Variants in MCMBP observed in about 807,000 individuals in gnomAD.
MCMBP encodes the protein minichromosome maintenance complex binding protein.
Under a neutral mutation model 81.3 loss-of-function variants are expected in MCMBP, and 31 were observed. The observed-to-expected ratio is 0.38, with a 90% CI of 0.29 to 0.51. The LOEUF (loss-of-function observed/expected upper bound fraction) is 0.51, where lower values mean the gene tolerates loss of function less well. Among genes scored for constraint, MCMBP ranks in the 20% least tolerant of loss-of-function variants. The pLI is 0.87. For synonymous variants in MCMBP, 267 were observed against 275.9 expected, an observed-to-expected ratio of 0.97 and a Z score of 0.32; for missense variants, 645 against 772.1, an observed-to-expected ratio of 0.84 and a Z score of 1.95.
intron 15 of MCMBP, 100 bp from the exon 16 acceptor site, chr10:119,831,700 G>T: frequency 7.4e-7 from 1 of 1,358,938 alleles, no homozygotes; most frequent in Non-Finnish European, 1.0e-6. Context: ...CACAGAGCAC[G>T]TTAGGAGACA....
At position 119,847,641 on chromosome 10, in the gene MCMBP, C is replaced by G; in HGVS notation, c.799G>C (p.Val267Leu). 6.2e-7 allele frequency: 1 copy of G among 1,610,476 alleles called. No homozygotes were observed. Reference protein sequence around the residue: ...ELYGILSVDPVLSILNNDERD... With the variant: ...ELYGILSVDPLLSILNNDERD... ...TCATCATTATTCAGTATACTCAGCA[C>G]AGGATCCACAGACAGTATGCCATAT... Residue 267 changes from valine to leucine, a missense_variant, in exon 8 of 16, where the codon GTG becomes CTG. Coordinates refer to ENST00000369077, the MANE Select transcript of MCMBP (RefSeq NM_001256378.2).
At chr10:119,855,503 C>T (rs1418469015) in intron 5 of MCMBP, among the ~76,000 whole-genome samples, 1 of 152,100 alleles carries the variant, frequency 6.6e-6, no homozygotes, top group Non-Finnish European at 1.5e-5. Context: ...AACCCCGTCT[C>T]TATCAAAAAT....
intron 6 of MCMBP, among the ~76,000 whole-genome samples, chr10:119,850,847 GTAGAGGCTAAAAGGTA>G (rs941483161): frequency 1.3e-5 from 2 of 148,570 alleles, no homozygotes; most frequent in African/African-American, 4.9e-5. Context: ...ACTGGGGGAA[GTAGAGGCTAAAAGGTA>G]TACAAGATCT....
intron 1 of MCMBP, among the ~76,000 whole-genome samples, chr10:119,871,309 C>T (rs1353468527): frequency 1.3e-5 from 2 of 151,740 alleles, no homozygotes. Context: ...ATATATGCCC[C>T]TTCCTCAAAG....
intron 13 of MCMBP, 132 bp from the exon 14 acceptor site, chr10:119,835,836 A>C (rs1852221101): frequency 2.0e-6 from 2 of 1,005,894 alleles, no homozygotes; most frequent in East Asian, 2.6e-5. Context: ...GGGAGGGAAT[A>C]ATGTTTTTTT....
intron 6 of MCMBP, among the ~76,000 whole-genome samples, chr10:119,849,813 A>G (rs1381461546): frequency 6.6e-6 from 1 of 152,192 alleles, no homozygotes; most frequent in Non-Finnish European, 1.5e-5. Context: ...TTACTGTAAG[A>G]TATCAACAAA....
intron 8 of MCMBP, among the ~76,000 whole-genome samples, chr10:119,844,199 C>T (rs533539431): frequency 1.3e-5 from 2 of 152,306 alleles, no homozygotes; most frequent in Non-Finnish European, 2.9e-5. Flanking sequence ...TTAATTCTTA[C>T]ATGATCCCTC....
chr10:119,836,230 C>G (rs1225905414), intron 13 of MCMBP, among the ~76,000 whole-genome samples: 2 of 152,208 alleles, frequency 1.3e-5, no homozygotes, highest in African/African-American at 2.4e-5. Context: ...TCAATGGTAT[C>G]AGTAAGCACA....
intron 1 of MCMBP, among the ~76,000 whole-genome samples, chr10:119,861,542 A>G (rs768906194): frequency 1.3e-5 from 2 of 152,120 alleles, no homozygotes; most frequent in East Asian, 1.9e-4. Context: ...TGGGTAAAAG[A>G]TAAGTGGGTA....
chr10:119,838,387 A>C, intron 12 of MCMBP, 148 bp downstream of exon 12: 1 of 684,528 alleles, frequency 1.5e-6, no homozygotes, highest in Non-Finnish European at 2.3e-6. Context: ...AGTTTATAAC[A>C]TATGCTTTAA....
chr10:119,846,512 C>T (rs1314409695), intron 8 of MCMBP, among the ~76,000 whole-genome samples: 1 of 152,178 alleles, frequency 6.6e-6, no homozygotes, highest in African/African-American at 2.4e-5. Context: ...CCCCAAGTAC[C>T]TTCCTCCAAG....
At chr10:119,862,150 T>C (rs1217360773) in intron 1 of MCMBP, among the ~76,000 whole-genome samples, 1 of 152,046 alleles carries the variant, frequency 6.6e-6, no homozygotes, top group Non-Finnish European at 1.5e-5. Context: ...CTACTAAAAA[T>C]ACAAAAATTA....
At chr10:119,869,464 CAG>C (rs1853588931) in intron 1 of MCMBP, among the ~76,000 whole-genome samples, 1 of 151,956 alleles carries the variant, frequency 6.6e-6, no homozygotes, top group African/African-American at 2.4e-5. Context: ...CCCAGCTACT[CAG>C]GGGGCTGAGG....
chr10:119,871,017 T>A (rs185135510), intron 1 of MCMBP, among the ~76,000 whole-genome samples: 1 of 152,310 alleles, frequency 6.6e-6, no homozygotes, highest in East Asian at 1.9e-4. Context: ...TACATTCAAA[T>A]CTCTATCAAA....
intron 12 of MCMBP, among the ~76,000 whole-genome samples, chr10:119,837,893 C>G (rs1852301448): frequency 6.6e-6 from 1 of 152,098 alleles, no homozygotes; most frequent in Non-Finnish European, 1.5e-5. Context: ...CTATTTGGGG[C>G]AGGTGCAGTG....
intron 12 of MCMBP, among the ~76,000 whole-genome samples, chr10:119,837,344 T>C (rs1294141344): frequency 6.6e-6 from 1 of 152,166 alleles, no homozygotes; most frequent in Non-Finnish European, 1.5e-5. Flanking sequence ...AAGGAAACAC[T>C]AAAACTACCG....
At chr10:119,856,457 A>G (rs889463406) in intron 5 of MCMBP, among the ~76,000 whole-genome samples, 2 of 152,244 alleles carry the variant, frequency 1.3e-5, no homozygotes, top group African/African-American at 2.4e-5. Flanking sequence ...CAAAGACTAT[A>G]TATTATATGA....
chr10:119,849,524 T>C lies in MCMBP; in HGVS notation c.627A>G (p.Glu209=). The change falls in exon 7 of 16, where the codon GAA becomes GAG. Residue 209 remains glutamate (E), a synonymous_variant. Coordinates refer to ENST00000369077, the MANE Select transcript of MCMBP (RefSeq NM_001256378.2). Reference sequence around the variant, plus strand: ...AGTTCAGCTGTTGCCCAGTAGAAGCTTCAGTTTCTAAACGTTTTGGCTCTC... The same window carrying C: ...AGTTCAGCTGTTGCCCAGTAGAAGCCTCAGTTTCTAAACGTTTTGGCTCTC... ...WCGEPKRLET[E]ASTGQQLNSL... is the part of the protein sequence containing the mutation. 1.2e-6 allele frequency: 2 copies of C among 1,608,290 alleles called. No homozygotes were observed. The highest frequency in any genetic ancestry group is 1.7e-6 in the Non-Finnish European group (2 of 1,178,482).
intron 14 of MCMBP, among the ~76,000 whole-genome samples, chr10:119,833,572 G>C (rs561746628): frequency 5.3e-5 from 8 of 152,300 alleles, no homozygotes; most frequent in African/African-American, 1.7e-4. Flanking sequence ...CAGCTACTGA[G>C]GCAAGAGGAT....
Sources: gnomAD v4.1 joint callset for allele counts (sites outside exome capture counted in the v4.1 genomes callset) on GRCh38, gnomAD v4.1.1 for gene constraint, MANE v1.5 for transcripts, NCBI Gene and HGNC (gene_info 2026-07-23, HGNC 2026-07-21) for gene names.